Variants in LRP2 observed in about 807,000 individuals in gnomAD.
LRP2 encodes low-density lipoprotein receptor-related protein 2.
Under a neutral mutation model 531.0 loss-of-function variants are expected in LRP2, and 172 were observed. The observed-to-expected ratio is 0.32, with a 90% CI of 0.29 to 0.37. LRP2 has a LOEUF of 0.37. Among genes scored for constraint, LRP2 ranks in the 10% least tolerant of loss-of-function variants. The probability of loss-of-function intolerance (pLI) is 1.00; values close to 1 mark genes in which losing one functional copy is unlikely to be tolerated. For missense variants in LRP2, 5,167 were observed against 5,868.3 expected (o/e 0.88, Z 3.90); for synonymous variants, 1,992 against 2,027.6 (o/e 0.98, Z 0.47).
At position 169,139,155 on chromosome 2, in the gene LRP2, T is replaced by C. The variant is rs897956766; in HGVS notation, c.13388+96A>G. The C allele has an allele frequency of 3.8e-6, 6 of 1,574,508 alleles. No homozygotes were observed. The African/African-American group carries it at 5.4e-5, about 14-fold the overall frequency. ...TGTGGAATCGGTGAACTGCGTATTG[T>C]GCTTTTTTAACTTAGAAAGAAAACT... On this transcript the variant is annotated intron_variant, in intron 74 of 78. Coordinates refer to ENST00000649046, the MANE Select transcript of LRP2 (RefSeq NM_004525.3).
intron 4 of LRP2, among the ~76,000 whole-genome samples, chr2:169,302,227 T>C (rs1436546322): frequency 6.6e-6 from 1 of 152,180 alleles, no homozygotes; most frequent in Non-Finnish European, 1.5e-5. Flanking sequence ...ACAGCTGTTA[T>C]ATATCTAATG....
At chr2:169,317,877 G>C (rs528718292) in intron 3 of LRP2, among the ~76,000 whole-genome samples, 1 of 152,146 alleles carries the variant, frequency 6.6e-6, no homozygotes, top group South Asian at 2.1e-4. Flanking sequence ...CAGGATTCCA[G>C]ACCAGCCTGG....
At chr2:169,166,151 T>C (rs570920187) in intron 61 of LRP2, 97 bp from the exon 62 acceptor site, 2 of 1,247,054 alleles carry the variant, frequency 1.6e-6, no homozygotes, top group South Asian at 1.2e-5. Context: ...GCTTGCTTCA[T>C]TCATGCACTC....
intron 9 of LRP2, among the ~76,000 whole-genome samples, chr2:169,284,196 C>A (rs1358555337): frequency 6.6e-6 from 1 of 151,452 alleles, no homozygotes; most frequent in African/African-American, 2.4e-5. Context: ...GGTGGCCCAC[C>A]ATTCCATAAC....
At chr2:169,191,575 T>G (rs1412021219) in intron 48 of LRP2, among the ~76,000 whole-genome samples, 2 of 152,066 alleles carry the variant, frequency 1.3e-5, no homozygotes, top group Non-Finnish European at 2.9e-5. Flanking sequence ...GTATTAATAA[T>G]TCAAGTAACT....
intron 76 of LRP2, among the ~76,000 whole-genome samples, chr2:169,136,552 G>A (rs11674531): frequency 1.3e-5 from 2 of 151,436 alleles, no homozygotes; most frequent in African/African-American, 2.4e-5. Flanking sequence ...GAAAATGGCC[G>A]GTCCTTGCCT....
intron 2 of LRP2, 82 bp downstream of exon 2, chr2:169,320,695 T>C: frequency 8.6e-7 from 1 of 1,162,350 alleles, no homozygotes; most frequent in Admixed American, 1.7e-5. Context: ...AAGGCATAGC[T>C]CTTCTCTTTG....
intron 9 of LRP2, among the ~76,000 whole-genome samples, chr2:169,288,610 G>A (rs1396696477): frequency 6.6e-6 from 1 of 152,186 alleles, no homozygotes; most frequent in Admixed American, 6.5e-5. Context: ...TGTGCATCCT[G>A]GAGAAGAGGC....
At chr2:169,169,167 T>C (rs536203973) in intron 60 of LRP2, among the ~76,000 whole-genome samples, 49 of 152,340 alleles carry the variant, frequency 3.2e-4, no homozygotes, top group Non-Finnish European at 5.3e-4. Flanking sequence ...TGTGTCTATG[T>C]AGAAAAGGAA....
At chr2:169,268,323 A>G (rs1403640934) in intron 16 of LRP2, among the ~76,000 whole-genome samples, 1 of 152,208 alleles carries the variant, frequency 6.6e-6, no homozygotes, top group Non-Finnish European at 1.5e-5. Context: ...ATTTTAGACC[A>G]ATATCCCTGA....
rs912318771 is a variant in LRP2 at position 169,280,930 on chromosome 2, C to T, written c.1172-411G>A. ...CATTTTAAAGATTACCAGGAAATCACTCTGAAAAAGATGGTAATGGTGGTT... is the reference window on the plus strand; with the variant it reads ...CATTTTAAAGATTACCAGGAAATCATTCTGAAAAAGATGGTAATGGTGGTT... On this transcript the variant is annotated intron_variant, in intron 10 of 78. Transcript: ENST00000649046. Among the ~76,000 whole-genome samples the T allele has an allele frequency of 2.0e-5, 3 of 152,114 alleles. No homozygotes were observed. The East Asian group carries it at 5.8e-4, about 29-fold the overall frequency.
At chr2:169,137,718 C>T (rs1685570412) in intron 75 of LRP2, among the ~76,000 whole-genome samples, 1 of 135,900 alleles carries the variant, frequency 7.4e-6, no homozygotes, top group African/African-American at 2.8e-5. Context: ...TGCAAAGTAA[C>T]ATAACATGCA....
At chr2:169,326,807 T>C (rs1012661089) in intron 1 of LRP2, among the ~76,000 whole-genome samples, 1 of 149,764 alleles carries the variant, frequency 6.7e-6, no homozygotes, top group African/African-American at 2.5e-5. Context: ...ATCTGGGAAG[T>C]GAGGAGCGTC....
chr2:169,194,119 T>C (rs755270039), intron 46 of LRP2, among the ~76,000 whole-genome samples: 1 of 152,210 alleles, frequency 6.6e-6, no homozygotes, highest in Non-Finnish European at 1.5e-5. Context: ...GTGACTAAAA[T>C]GAGATACAAT....
intron 3 of LRP2, 113 bp from the exon 4 acceptor site, chr2:169,307,510 A>C: frequency 1.4e-6 from 1 of 722,068 alleles, no homozygotes; most frequent in South Asian, 1.5e-5. Flanking sequence ...CACAAGGTAA[A>C]GTACCTGGCT....
At chr2:169,166,136 AC>A in intron 61 of LRP2, 82 bp from the exon 62 acceptor site, 1 of 1,468,250 alleles carries the variant, frequency 6.8e-7, no homozygotes, top group Non-Finnish European at 9.5e-7. Flanking sequence ...CAGTGTCAGC[AC>A]CAGGCTTGCT....
At chr2:169,226,711 T>TGTC in intron 31 of LRP2, 123 bp from the exon 32 acceptor site, 1 of 762,978 alleles carries the variant, frequency 1.3e-6, no homozygotes, top group Non-Finnish European at 2.3e-6. Flanking sequence ...ATTGCAGCAA[T>TGTC]AAATATAATG....
intron 62 of LRP2, 106 bp downstream of exon 62, chr2:169,165,826 T>C (rs1258908109): frequency 7.3e-7 from 1 of 1,372,778 alleles, no homozygotes; most frequent in South Asian, 1.2e-5. Context: ...TCTGCAGTCA[T>C]GGGCACAACT....
rs745973908 is a variant in LRP2, at chr2:169,165,911, TC to T, written c.11758+20del. On this transcript the variant is annotated intron_variant, in intron 62 of 78. Coordinates refer to ENST00000649046, the MANE Select transcript of LRP2 (RefSeq NM_004525.3). The stretch of plus-strand genomic sequence containing the variant: ...ACTTGGGGTCCTTCCTTTTTCCTTC[TC>T]CCTTTTGACTTTTGCTTACAGTGCT... 6 of 1,613,648 alleles carry T rather than the reference TC, an allele frequency of 3.7e-6. No homozygotes were observed. The highest frequency in any genetic ancestry group is 5.1e-6 in the Non-Finnish European group (6 of 1,179,752).
Sources: gnomAD v4.1 joint callset for allele counts (sites outside exome capture counted in the v4.1 genomes callset) on GRCh38, gnomAD v4.1.1 for gene constraint, MANE v1.5 for transcripts, NCBI Gene and HGNC (gene_info 2026-07-23, HGNC 2026-07-21) for gene names.